GLT1D1: variants seen among roughly 807,000 people sequenced by gnomAD.
GLT1D1 encodes the protein glycosyltransferase 1 domain-containing protein 1.
GLT1D1 carries 21 observed loss-of-function variants against 28.7 expected under a neutral mutation model. That is an observed-to-expected ratio of 0.73 (90% CI 0.52 to 1.05). GLT1D1 has a LOEUF of 1.05. Ranked by LOEUF, GLT1D1 falls within the 50% of genes least tolerant of loss-of-function variation. The pLI, the probability that GLT1D1 is intolerant of heterozygous loss-of-function variation, is 0.00. For missense variants in GLT1D1, 343 were observed against 330.6 expected (o/e 1.04, Z -0.29); for synonymous variants, 147 against 124.8 (o/e 1.18, Z -1.19).
intron 1 of GLT1D1, among the ~76,000 whole-genome samples, chr12:128,868,947 G>A (rs1041451641): frequency 6.6e-6 from 1 of 152,166 alleles, no homozygotes; most frequent in Non-Finnish European, 1.5e-5. Context: ...TTAGCTCACT[G>A]CAACCACCGC....
intron 4 of GLT1D1, among the ~76,000 whole-genome samples, chr12:128,932,836 T>C (rs891535353): frequency 3.9e-5 from 6 of 152,108 alleles, no homozygotes; most frequent in Admixed American, 2.0e-4. Context: ...CCCTGCCTCG[T>C]CGAAGGTCCT....
At chr12:128,950,435 C>T (rs1876578168) in intron 6 of GLT1D1, among the ~76,000 whole-genome samples, 2 of 152,198 alleles carry the variant, frequency 1.3e-5, no homozygotes, top group Non-Finnish European at 2.9e-5. Flanking sequence ...TGTAGCCCAA[C>T]TCCATCGCCA....
At position 128,918,721 on chromosome 12, in the gene GLT1D1, T is replaced by A. The variant is rs1872351292; in HGVS notation, c.375+19434T>A. The stretch of plus-strand genomic sequence containing the variant: ...CATTATTCAGAACGAGTGGGCCCAT[T>A]TTCAATTTCCTGTTGTAAGGTTAGT... On this transcript the variant is annotated intron_variant, in intron 4 of 7. Transcript: ENST00000281703. Among the ~76,000 whole-genome samples, 6 of 152,360 alleles carry A rather than the reference T, an allele frequency of 3.9e-5. No homozygotes were observed. In the South Asian group the frequency reaches 1.2e-3, roughly 32 times the overall value.
At chr12:128,907,479 G>A (rs1199505558) in intron 4 of GLT1D1, among the ~76,000 whole-genome samples, 3 of 151,992 alleles carry the variant, frequency 2.0e-5, no homozygotes, top group Non-Finnish European at 2.9e-5. Flanking sequence ...CTAATTTTTT[G>A]TATATTTAGT....
intron 4 of GLT1D1, among the ~76,000 whole-genome samples, chr12:128,919,129 CT>C (rs1451917576): frequency 6.6e-6 from 1 of 152,168 alleles, no homozygotes; most frequent in African/African-American, 2.4e-5. Flanking sequence ...CATCGTTTGT[CT>C]TTGTCGTCTC....
At chr12:128,977,352 G>A (rs1565928243) in intron 7 of GLT1D1, among the ~76,000 whole-genome samples, 1 of 152,198 alleles carries the variant, frequency 6.6e-6, no homozygotes, top group East Asian at 1.9e-4. Flanking sequence ...TCTTTTGCAT[G>A]ATTATTATTA....
At chr12:128,883,942 GAGA>G (rs1460480383) in intron 2 of GLT1D1, among the ~76,000 whole-genome samples, 1 of 152,206 alleles carries the variant, frequency 6.6e-6, no homozygotes, top group Non-Finnish European at 1.5e-5. Context: ...GAGAGACCTG[GAGA>G]AGATTTCAGA....
chr12:128,956,158 C>CAAAAAAAAAAAAAAA (rs1555219265), intron 6 of GLT1D1, among the ~76,000 whole-genome samples: 254 of 7,448 alleles, frequency 0.034, 49 homozygotes, highest in East Asian at 0.052. Flanking sequence ...GACTCCATCT[C>CAAAAAAAAAAAAAAA]AAAAAAAAAA....
chr12:128,941,732 C>T (rs1277364965), intron 4 of GLT1D1, among the ~76,000 whole-genome samples: 1 of 151,624 alleles, frequency 6.6e-6, no homozygotes, highest in African/African-American at 2.4e-5. Flanking sequence ...ACTCTACCCC[C>T]ACGCCCAGTC....
chr12:128,900,025 G>A (rs886834802), intron 4 of GLT1D1, among the ~76,000 whole-genome samples: 17 of 152,282 alleles, frequency 1.1e-4, no homozygotes, highest in African/African-American at 3.6e-4. Flanking sequence ...CCACAAGTTA[G>A]TTCATTTATT....
chr12:128,866,441 A>G (rs1411980954), intron 1 of GLT1D1, among the ~76,000 whole-genome samples: 1 of 151,874 alleles, frequency 6.6e-6, no homozygotes, highest in Non-Finnish European at 1.5e-5. Context: ...ACAGTATGTT[A>G]TTATTGATGA....
chr12:128,926,262 T>C (rs750690852), intron 4 of GLT1D1, 97 bp from the exon 7 acceptor site: 2 of 423,264 alleles, frequency 4.7e-6, no homozygotes, highest in Non-Finnish European at 8.3e-6. Context: ...GGCCTCGAAG[T>C]CAGAGGCCTC....
intron 4 of GLT1D1, among the ~76,000 whole-genome samples, chr12:128,935,505 C>T (rs915490419): frequency 6.7e-6 from 1 of 148,260 alleles, no homozygotes; most frequent in Non-Finnish European, 1.5e-5. Flanking sequence ...TGTGCCATTG[C>T]ACTCCAGCCT....
intron 2 of GLT1D1, among the ~76,000 whole-genome samples, chr12:128,881,561 AATATAT>A (rs1174737837): frequency 0.034 from 1,127 of 33,438 alleles, 47 homozygotes; most frequent in Admixed American, 0.13. Context: ...AAAAAAAAAA[AATATAT>A]ATATATATAT....
chr12:128,977,323 T>C (rs1292662758), intron 7 of GLT1D1, among the ~76,000 whole-genome samples: 1 of 152,154 alleles, frequency 6.6e-6, no homozygotes, highest in Non-Finnish European at 1.5e-5. Context: ...GTAATTACTC[T>C]CTAAAGACAA....
At chr12:128,945,713 G>T (rs1351755665) in intron 5 of GLT1D1, among the ~76,000 whole-genome samples, 1 of 152,184 alleles carries the variant, frequency 6.6e-6, no homozygotes, top group East Asian at 1.9e-4. Flanking sequence ...GCATTTGTCG[G>T]CCAGGAACCC....
chr12:128,875,856 C>G, intron 1 of GLT1D1, 58 bp from the exon 2 acceptor site: 1 of 1,474,916 alleles, frequency 6.8e-7, no homozygotes, highest in Non-Finnish European at 9.3e-7. Flanking sequence ...TAGCAGCAAC[C>G]TGTTACATAT....
intron 4 of GLT1D1, among the ~76,000 whole-genome samples, chr12:128,927,545 C>T (rs1205713104): frequency 6.6e-6 from 1 of 152,062 alleles, no homozygotes; most frequent in African/African-American, 2.4e-5. Context: ...GCTTACATTG[C>T]TCTTCTAACC....
chr12:128,954,906 A>T (rs1356005869), intron 6 of GLT1D1, among the ~76,000 whole-genome samples: 1 of 152,218 alleles, frequency 6.6e-6, no homozygotes, highest in Non-Finnish European at 1.5e-5. Flanking sequence ...GTGAGCTGAG[A>T]TTGAGCCACG....
Sources: allele counts gnomAD v4.1 joint callset (sites outside exome capture counted in the v4.1 genomes callset), GRCh38; gene constraint gnomAD v4.1.1; transcripts MANE v1.5; gene names NCBI Gene and HGNC (gene_info 2026-07-23, HGNC 2026-07-21).